The following FBN3 variants were observed in gnomAD, a reference collection of about 807,000 sequenced individuals.
The protein encoded by FBN3 is fibrillin 3, also known as fibrillin-3.
In FBN3, 234 loss-of-function variants were observed where a neutral mutation model predicts 330.1. That is an observed-to-expected ratio of 0.71 (90% CI 0.64 to 0.79). The LOEUF (loss-of-function observed/expected upper bound fraction) is 0.79, where lower values mean the gene tolerates loss of function less well. FBN3 is among the 30% of genes least tolerant of loss of function. The pLI, the probability that FBN3 is intolerant of heterozygous loss-of-function variation, is 0.00. For synonymous variants in FBN3, 1,458 were observed against 1,517.3 expected (o/e 0.96, Z 0.91); for missense variants, 3,606 against 3,886.9 (o/e 0.93, Z 1.92).
intron 57 of FBN3, among the ~76,000 whole-genome samples, chr19:8,082,235 T>C (rs2081806598): frequency 1.3e-5 from 2 of 151,464 alleles, no homozygotes; most frequent in Non-Finnish European, 2.9e-5. Context: ...TCCCAAAGTG[T>C]GCTGGGATTA....
At chr19:8,128,733 G>A (rs764549746) in intron 18 of FBN3, among the ~76,000 whole-genome samples, 4 of 152,266 alleles carry the variant, frequency 2.6e-5, no homozygotes, top group East Asian at 1.9e-4. Flanking sequence ...CATGTGCAGC[G>A]TGTCTGGGTG....
rs1198425679 is a variant in FBN3 at position 8,089,967 on chromosome 19, G to C, written c.6185-8C>G. 1 of 1,609,640 alleles carries C rather than the reference G, an allele frequency of 6.2e-7. No homozygotes were observed. Reference sequence around the variant, plus strand: ...AGAGCTCCTGAAAGGCAGCTGGACGGAGAGGGGGAGGGGAGTCAGAGTCAG... The same window carrying C: ...AGAGCTCCTGAAAGGCAGCTGGACGCAGAGGGGGAGGGGAGTCAGAGTCAG... On this transcript the variant is annotated splice_polypyrimidine_tract_variant and splice_region_variant and intron_variant, in intron 49 of 63. Coordinates refer to ENST00000600128, the MANE Select transcript of FBN3 (RefSeq NM_032447.5).
chr19:8,112,006 C>G lies in FBN3; in HGVS notation c.3932G>C (p.Gly1311Ala), dbSNP rs76318007. Residue 1311 changes from glycine (G) to alanine (A), a missense_variant, in exon 31 of 64, where the codon GGC becomes GCC. Transcript: ENST00000600128. The part of the protein sequence containing the change: ...PGSFSCRCLP[G>A]WVGDGFECHD... ...ACATTCGAAGCCATCCCCCACCCAG[C>G]CTGGCAGGCACCTACAGCTGAAACT... is the stretch of plus-strand genomic sequence containing the variant. The G allele has an allele frequency of 0.014, 22,671 of 1,611,290 alleles. 227 individuals carry two copies. The highest frequency in any genetic ancestry group is 0.017 in the Non-Finnish European group (20,490 of 1,178,624).
Position 8,112,081 on chromosome 19 carries a change from A to T in FBN3, c.3857T>A (p.Val1286Asp), listed in dbSNP as rs1363004454. The T allele has an allele frequency of 3.1e-6, 5 of 1,611,018 alleles. No homozygotes were observed. Among genetic ancestry groups the T allele is most frequent in the Non-Finnish European group, 4.2e-6 (5 of 1,178,454 alleles). ...GTGACTGTCACAGTTGTGTCCTCCA[A>T]CCTCGCATTCATCCACATCTAAAGG... is the stretch of plus-strand genomic sequence containing the variant. ...TGCSDVDECE[V>D]GGHNCDSHAS... Residue 1286 changes from valine (V) to aspartate (D), a missense_variant, in exon 31 of 64, where the codon GTT becomes GAT. By Grantham distance (152) the Val-to-Asp change is radical (BLOSUM62 -3). Transcript: ENST00000600128.
In FBN3 at chr19:8,117,048, G is replaced by T. The variant is rs1303633184; in HGVS notation, c.3586+121C>A. ...GGCCAGGACCACAGGCCAGGCAGGG[G>T]GTGCCTCGGGTCTGGCTGGCTTCAC... On this transcript the variant is annotated intron_variant, in intron 28 of 63. Coordinates refer to ENST00000600128, the MANE Select transcript of FBN3 (RefSeq NM_032447.5). The T allele has an allele frequency of 7.7e-6, 11 of 1,436,670 alleles. No homozygotes were observed. The Admixed American group carries it at 2.4e-4, about 31-fold the overall frequency. The allele number at this position is 1,436,670 out of a possible 1,614,324, so 89.0% of individuals were successfully genotyped here.
At chr19:8,070,302 G>A (rs922766134) in intron 63 of FBN3, among the ~76,000 whole-genome samples, 14 of 152,128 alleles carry the variant, frequency 9.2e-5, no homozygotes, top group African/African-American at 3.4e-4. Flanking sequence ...TTTGTCATGT[G>A]TTATAAAAGA....
In FBN3 at chr19:8,126,611, G is replaced by T; in HGVS notation, c.2417-6C>A. Reference sequence around the variant, plus strand: ...GCAGGTGCCCTTGGTGCTGTCTGGGGAGAAGAGGCGGGTCACCTGTCTCAC... The same window carrying T: ...GCAGGTGCCCTTGGTGCTGTCTGGGTAGAAGAGGCGGGTCACCTGTCTCAC... On this transcript the variant is annotated splice_region_variant and splice_polypyrimidine_tract_variant and intron_variant, in intron 19 of 63. Transcript: ENST00000600128. The T allele has an allele frequency of 6.2e-7, 1 of 1,607,920 alleles. No individual in the cohort carries two copies. The highest frequency in any genetic ancestry group is 8.5e-7 in the Non-Finnish European group (1 of 1,179,296).
intron 49 of FBN3, 26 bp downstream of exon 49, chr19:8,090,073 G>A: frequency 6.2e-7 from 1 of 1,610,074 alleles, no homozygotes; most frequent in Non-Finnish European, 8.5e-7. Context: ...ATCATCCAGG[G>A]AGCCTGGACA....
At chr19:8,091,431 C>G in intron 48 of FBN3, 34 bp downstream of exon 48, 1 of 1,561,116 alleles carries the variant, frequency 6.4e-7, no homozygotes, top group Non-Finnish European at 8.8e-7. Context: ...CGCCCCACTT[C>G]CCACCCTCTT....
At chr19:8,143,492 C>CTTTTTT (rs1472260736) in intron 6 of FBN3, among the ~76,000 whole-genome samples, 2 of 122,786 alleles carry the variant, frequency 1.6e-5, no homozygotes, top group African/African-American at 6.8e-5. Context: ...TTTTTCTTTT[C>CTTTTTT]TTTTCTTTTT....
chr19:8,119,083 T>G, intron 25 of FBN3, 61 bp from the exon 26 acceptor site: 1 of 1,539,666 alleles, frequency 6.5e-7, no homozygotes, highest in South Asian at 1.2e-5. Flanking sequence ...GAGGGGGTGA[T>G]GAGGCTCATG....
rs755542806 is a variant in FBN3 at position 8,147,469 on chromosome 19, C to G, written c.12G>C (p.Glu4Asp). Residue 4 changes from glutamate to aspartate, a missense_variant, in exon 2 of 64, where the codon GAG (glutamate) becomes GAC (aspartate). Glu to Asp is a conservative substitution (Grantham distance 45, BLOSUM62 2). Coordinates refer to ENST00000600128, the MANE Select transcript of FBN3 (RefSeq NM_032447.5). MTL[E>D]GLYLARGPLA... Reference sequence around the variant, plus strand: ...GGGGGCCCCTTGCCAAATACAGACCCTCCAGAGTCATGGCGTGTCCCCTGG... The same window carrying G: ...GGGGGCCCCTTGCCAAATACAGACCGTCCAGAGTCATGGCGTGTCCCCTGG... 64 of 1,521,952 alleles carry G rather than the reference C, an allele frequency of 4.2e-5. No homozygotes were observed. The highest frequency in any genetic ancestry group is 5.1e-5 in the Non-Finnish European group (58 of 1,136,914). 94.3% of individuals were successfully genotyped at this position (1,521,952 alleles called of 1,614,324 possible).
Position 8,110,911 on chromosome 19 carries a change from G to A in FBN3, c.4267C>T (p.Pro1423Ser). ...TTGCAGATGCAGCGGAACATTCCAG[G>A]CAGGTTCTCACAGCTCCCAAATGCA... ...LCAFGSCENLPGMFRCICNGG... is the reference protein window; with the variant it reads ...LCAFGSCENLSGMFRCICNGG... Residue 1423 changes from proline to serine, a missense_variant, in exon 34 of 64, where the codon CCT becomes TCT. Physicochemically the swap from Pro to Ser is moderately conservative, Grantham distance 74. Coordinates refer to ENST00000600128, the MANE Select transcript of FBN3 (RefSeq NM_032447.5). 1 of 1,614,214 alleles carries A rather than the reference G, an allele frequency of 6.2e-7. No homozygotes were observed.
chr19:8,109,614 G>A lies in FBN3; in HGVS notation c.4456+17C>T. 4 of 1,586,874 alleles carry A rather than the reference G, an allele frequency of 2.5e-6. No individual in the cohort carries two copies. The highest frequency in any genetic ancestry group is 3.4e-6 in the Non-Finnish European group (4 of 1,165,488). ...GCTGACCCCAGAACCCTGATCTGGA[G>A]TTGAGCATGGACTCACCCACGCAGC... On this transcript the variant is annotated intron_variant, in intron 35 of 63. Coordinates refer to ENST00000600128, the MANE Select transcript of FBN3 (RefSeq NM_032447.5). The surrounding 1 kb of genome is among the most constrained non-coding windows in gnomAD (Gnocchi z 5.2).
chr19:8,078,981 A>G (rs756807639), intron 59 of FBN3, among the ~76,000 whole-genome samples: 5 of 151,476 alleles, frequency 3.3e-5, no homozygotes, highest in Admixed American at 1.3e-4. Context: ...GAGTCTTGCC[A>G]TGTTGCCTGG....
chr19:8,143,008 C>T (rs2083449174), intron 6 of FBN3, among the ~76,000 whole-genome samples: 1 of 152,260 alleles, frequency 6.6e-6, no homozygotes, highest in Middle Eastern at 3.4e-3. Flanking sequence ...CGTGCCCATC[C>T]TCACCTTCCT....
chr19:8,116,613 G>GT, intron 29 of FBN3, 61 bp downstream of exon 29: 1 of 1,543,230 alleles, frequency 6.5e-7, no homozygotes, highest in Non-Finnish European at 8.9e-7. Flanking sequence ...TGGAAGACCT[G>GT]GTGTGTGAAT....
At chr19:8,106,608 T>C (rs2144792605) in intron 37 of FBN3, among the ~76,000 whole-genome samples, 1 of 151,340 alleles carries the variant, frequency 6.6e-6, no homozygotes, top group East Asian at 2.0e-4. Context: ...GATGCATGGA[T>C]ATGAAACAGT....
intron 40 of FBN3, among the ~76,000 whole-genome samples, chr19:8,102,222 AT>A (rs34859984): frequency 3.4e-5 from 5 of 146,000 alleles, no homozygotes; most frequent in East Asian, 2.0e-4. Context: ...TTATTTTTTT[AT>A]TTTTTTTTTG....
Sources: gnomAD v4.1 joint callset for allele counts (sites outside exome capture counted in the v4.1 genomes callset) on GRCh38, gnomAD v4.1.1 for gene constraint, Gnocchi (gnomAD v3.1) non-coding constraint, MANE v1.5 for transcripts, NCBI Gene and HGNC (gene_info 2026-07-23, HGNC 2026-07-21) for gene names.